Variants in GRIN2B observed in about 807,000 individuals in gnomAD.
GRIN2B encodes glutamate ionotropic receptor NMDA type subunit 2B.
Under a neutral mutation model 114.5 loss-of-function variants are expected in GRIN2B, and 5 were observed. The ratio of observed to expected loss-of-function variants is 0.04; its 90% CI spans 0.02 to 0.09. The LOEUF is 0.09. Ranked by LOEUF, GRIN2B falls within the 10% of genes least tolerant of loss-of-function variation. GRIN2B has a pLI of 1.00. For synonymous variants in GRIN2B, 787 were observed against 745.1 expected (o/e 1.06, Z -0.92); for missense variants, 1,108 against 1,943.5 (o/e 0.57, Z 8.08).
chr12:13,701,860 C>T (rs898755220), intron 4 of GRIN2B, among the ~76,000 whole-genome samples: 4 of 152,228 alleles, frequency 2.6e-5, no homozygotes, highest in Non-Finnish European at 5.9e-5. Context: ...AAAAGACAAA[C>T]ACAAAGCAAA....
rs1022658973 is a variant in GRIN2B, at chr12:13,547,554, C to T, written c.*15229G>A. 1.3e-5 allele frequency: 2 copies of T among 152,074 alleles called. No individual in the cohort carries two copies. The highest frequency in any genetic ancestry group is 4.8e-5 in the African/African-American group (2 of 41,404). 9.4% of individuals were successfully genotyped at this position (152,074 alleles called of 1,614,324 possible). On this transcript the variant is annotated 3_prime_UTR_variant, in exon 14 of 14. Coordinates refer to ENST00000609686, the MANE Select transcript of GRIN2B (RefSeq NM_000834.5). ...TGACTGGCAATGGCCAGGTAGATTT[C>T]ACCATTATGTAACAAAGAGAATAAA... is the stretch of plus-strand genomic sequence containing the variant.
At chr12:13,830,950 G>A (rs563736614) in intron 3 of GRIN2B, among the ~76,000 whole-genome samples, 1 of 152,308 alleles carries the variant, frequency 6.6e-6, no homozygotes, top group South Asian at 2.1e-4. Flanking sequence ...TTGGAGGTGG[G>A]TCCTAATGGG....
Position 13,607,409 on chromosome 12 carries a change from AAT to A in GRIN2B, c.2010+1192_2010+1193del, listed in dbSNP as rs1276197810. ...AATATATATTATATATAATATATAA[AAT>A]ATATAATATATATTATATATAATAT... On this transcript the variant is annotated intron_variant, in intron 10 of 13. Transcript: ENST00000609686. Among the ~76,000 whole-genome samples the A allele has an allele frequency of 2.7e-3, 159 of 59,526 alleles. 3 individuals are homozygous for A. The highest frequency in any genetic ancestry group is 5.8e-3 in the Middle Eastern group (1 of 172). The allele number at this position is 59,526 out of a possible 152,430, so 39.1% of individuals were successfully genotyped here.
chr12:13,764,384 C>T (rs1426615681), intron 3 of GRIN2B, among the ~76,000 whole-genome samples: 2 of 152,164 alleles, frequency 1.3e-5, no homozygotes, highest in African/African-American at 4.8e-5. Flanking sequence ...CCTCTTCCTT[C>T]TTTGCCTCCA....
At position 13,537,880 on chromosome 12, in the gene GRIN2B, G is replaced by A. The variant is rs977350518; in HGVS notation, c.*24903C>T. 8 of 152,124 alleles carry A rather than the reference G, an allele frequency of 5.3e-5. No homozygotes were observed. Among genetic ancestry groups the A allele is most frequent in the Non-Finnish European group, 1.0e-4 (7 of 68,030 alleles). The allele number at this position is 152,124 out of a possible 1,614,324, so 9.4% of individuals were successfully genotyped here. On this transcript the variant is annotated 3_prime_UTR_variant, in exon 14 of 14. Transcript: ENST00000609686. ...CATCTGGGTTTCAAGATAAGAAAAC[G>A]GAAGTCTAGATGATTTGATGCAGGC...
At chr12:13,950,468 G>A (rs1442984670) in intron 2 of GRIN2B, among the ~76,000 whole-genome samples, 1 of 152,168 alleles carries the variant, frequency 6.6e-6, no homozygotes, top group Non-Finnish European at 1.5e-5. Flanking sequence ...GATGATAAGA[G>A]TACTTATCTC....
At chr12:13,801,625 A>T (rs566565687) in intron 3 of GRIN2B, among the ~76,000 whole-genome samples, 11 of 152,266 alleles carry the variant, frequency 7.2e-5, no homozygotes, top group African/African-American at 2.6e-4. Flanking sequence ...TACTCCAAAG[A>T]ATTCCTTCCG....
At position 13,710,433 on chromosome 12, in the gene GRIN2B, C is replaced by A. The variant is rs1420729643; in HGVS notation, c.1011-34574G>T. ...GTATTCAATTAGGAAAAGAGGAAGT[C>A]AAATTGTCCCTGTTTGCAGATGACA... is the stretch of plus-strand genomic sequence containing the variant. On this transcript the variant is annotated intron_variant, in intron 4 of 13. Coordinates refer to ENST00000609686, the MANE Select transcript of GRIN2B (RefSeq NM_000834.5). 2.0e-5 allele frequency among the ~76,000 whole-genome samples: 3 copies of A among 152,114 alleles called. No individual in the cohort carries two copies. In the East Asian group the frequency reaches 5.8e-4, roughly 29 times the overall value.
At chr12:13,588,775 C>T (rs565900634) in intron 10 of GRIN2B, among the ~76,000 whole-genome samples, 9 of 152,232 alleles carry the variant, frequency 5.9e-5, no homozygotes, top group African/African-American at 1.7e-4. Flanking sequence ...GGTCAGGCTG[C>T]GTTATACACC....
Position 13,554,359 on chromosome 12 carries a change from G to T in GRIN2B, c.*8424C>A, listed in dbSNP as rs1948452470. ...TTTCTGAATGGAAGATAAAGAAGTTGTTCTGGTCTTTGAAGACTTATATAG... is the reference window on the plus strand; with the variant it reads ...TTTCTGAATGGAAGATAAAGAAGTTTTTCTGGTCTTTGAAGACTTATATAG... On this transcript the variant is annotated 3_prime_UTR_variant, in exon 14 of 14. Transcript: ENST00000609686. The T allele has an allele frequency of 6.6e-6, 1 of 152,152 alleles. No individual in the cohort carries two copies. Among genetic ancestry groups the T allele is most frequent in the Non-Finnish European group, 1.5e-5 (1 of 68,018 alleles). The allele number at this position is 152,152 out of a possible 1,614,324, so 9.4% of individuals were successfully genotyped here.
intron 2 of GRIN2B, among the ~76,000 whole-genome samples, chr12:13,911,508 A>T (rs1866626793): frequency 6.6e-6 from 1 of 152,174 alleles, no homozygotes; most frequent in Admixed American, 6.5e-5. Flanking sequence ...ATTATTCTTC[A>T]CATACTTCTC....
At chr12:13,826,402 C>T (rs539227629) in intron 3 of GRIN2B, among the ~76,000 whole-genome samples, 6 of 152,072 alleles carry the variant, frequency 3.9e-5, no homozygotes, top group South Asian at 2.1e-4. Flanking sequence ...ACCCAGGAGG[C>T]GGAGGTTGCG....
At chr12:13,951,168 A>G (rs932033568) in intron 2 of GRIN2B, among the ~76,000 whole-genome samples, 1 of 152,194 alleles carries the variant, frequency 6.6e-6, no homozygotes, top group African/African-American at 2.4e-5. Flanking sequence ...AATATTTGAA[A>G]CATACTTCTA....
At chr12:13,947,571 T>C (rs996275621) in intron 2 of GRIN2B, among the ~76,000 whole-genome samples, 2 of 152,198 alleles carry the variant, frequency 1.3e-5, no homozygotes, top group East Asian at 3.8e-4. Flanking sequence ...GTAGCAATCC[T>C]ATCCACATCC....
intron 3 of GRIN2B, among the ~76,000 whole-genome samples, chr12:13,833,996 A>G (rs879615793): frequency 4.0e-5 from 6 of 150,744 alleles, no homozygotes; most frequent in Non-Finnish European, 5.9e-5. Flanking sequence ...CAAGGTGAAA[A>G]CACAGTAGTC....
rs113536349 is a variant in GRIN2B at position 13,708,342 on chromosome 12, T to A, written c.1011-32483A>T. Among the ~76,000 whole-genome samples the A allele has an allele frequency of 3.2e-3, 481 of 152,158 alleles. 5 individuals carry two copies. The highest frequency in any genetic ancestry group is 0.011 in the African/African-American group (453 of 41,520). On this transcript the variant is annotated intron_variant, in intron 4 of 13. Coordinates refer to ENST00000609686, the MANE Select transcript of GRIN2B (RefSeq NM_000834.5). ...TTTACAGAGAGAATTGAGTTCGACC[T>A]GAGAGATTAAGAAAAGTCACCAGTG...
Position 13,615,683 on chromosome 12 carries a change from A to G in GRIN2B, c.1329-19T>C. The G allele has an allele frequency of 1.2e-6, 2 of 1,607,878 alleles. No individual in the cohort carries two copies. Among genetic ancestry groups the G allele is most frequent in the Non-Finnish European group, 1.7e-6 (2 of 1,174,384 alleles). ...TTTATTCCTAGCCAATTAAAGAAAC[A>G]AAAACAAACAAACAAAAAAGTCTTT... On this transcript the variant is annotated intron_variant, in intron 6 of 13. Coordinates refer to ENST00000609686, the MANE Select transcript of GRIN2B (RefSeq NM_000834.5). The surrounding 1 kb of genome is among the most constrained non-coding windows in gnomAD (Gnocchi z 5.8).
chr12:13,562,576 G>A lies in GRIN2B; in HGVS notation c.*207C>T. The A allele has an allele frequency of 3.4e-6, 2 of 593,038 alleles. No homozygotes were observed. The highest frequency in any genetic ancestry group is 2.8e-5 in the East Asian group (1 of 35,534). The allele number at this position is 593,038 out of a possible 1,614,324, so 36.7% of individuals were successfully genotyped here. ...AATGGCTGACAGCGGGGGGAAGAAG[G>A]AGAGAACTGTGAAAAGGAGGAGAGA... On this transcript the variant is annotated 3_prime_UTR_variant, in exon 14 of 14. Transcript: ENST00000609686.
chr12:13,823,735 C>T (rs1658165685), intron 3 of GRIN2B, among the ~76,000 whole-genome samples: 1 of 152,072 alleles, frequency 6.6e-6, no homozygotes, highest in South Asian at 2.1e-4. Context: ...TTTTCCCAAC[C>T]TTGGGGAAAA....
Sources: allele counts gnomAD v4.1 joint callset (sites outside exome capture counted in the v4.1 genomes callset), GRCh38; gene constraint gnomAD v4.1.1; non-coding constraint Gnocchi (gnomAD v3.1); transcripts MANE v1.5; gene names NCBI Gene and HGNC (gene_info 2026-07-23, HGNC 2026-07-21).